HSF2BP: variants seen among roughly 807,000 people sequenced by gnomAD.
HSF2BP encodes the protein heat shock factor 2-binding protein.
Under a neutral mutation model 35.0 loss-of-function variants are expected in HSF2BP, and 35 were observed. The observed-to-expected ratio is 1.00, with a 90% CI of 0.76 to 1.32. The LOEUF is 1.32. HSF2BP is among the 40% of genes most tolerant of loss of function. HSF2BP has a pLI of 0.00. For missense variants in HSF2BP, 326 were observed against 321.7 expected (o/e 1.01, Z -0.10); for synonymous variants, 114 against 117.4 (o/e 0.97, Z 0.18).
intron 6 of HSF2BP, among the ~76,000 whole-genome samples, chr21:43,615,973 A>G (rs2082264513): frequency 6.6e-6 from 1 of 151,762 alleles, no homozygotes; most frequent in Non-Finnish European, 1.5e-5. Flanking sequence ...AAATGTTAAG[A>G]CTTTATATTT....
intron 1 of HSF2BP, 131 bp from the exon 2 acceptor site, chr21:43,658,451 A>C: frequency 7.4e-6 from 2 of 269,030 alleles, no homozygotes; most frequent in Non-Finnish European, 1.4e-5. Context: ...TTTGCTGGAA[A>C]CCTCGCCTCC....
intron 8 of HSF2BP, among the ~76,000 whole-genome samples, chr21:43,587,665 CAAA>C (rs11292342): frequency 5.1e-5 from 4 of 79,060 alleles, no homozygotes; most frequent in Admixed American, 1.4e-4. Context: ...AATTCTGTCT[CAAA>C]AAAAAAAAAA....
intron 4 of HSF2BP, among the ~76,000 whole-genome samples, chr21:43,641,348 T>C (rs1182043234): frequency 6.6e-6 from 1 of 152,102 alleles, no homozygotes; most frequent in Non-Finnish European, 1.5e-5. Context: ...ATCTTTTTCC[T>C]CTAAAGTTCA....
chr21:43,612,687 G>C (rs1010038963), intron 7 of HSF2BP, among the ~76,000 whole-genome samples: 16 of 150,594 alleles, frequency 1.1e-4, no homozygotes, highest in African/African-American at 3.7e-4. Flanking sequence ...TCCACAGCAG[G>C]GGATGGTGGC....
At chr21:43,596,910 A>AT (rs1045659964) in intron 7 of HSF2BP, among the ~76,000 whole-genome samples, 4 of 119,592 alleles carry the variant, frequency 3.3e-5, no homozygotes, top group South Asian at 2.7e-4. Context: ...AAAAAAGAGA[A>AT]TTTTTTTTTA....
At chr21:43,587,200 C>T (rs1247511690) in intron 8 of HSF2BP, among the ~76,000 whole-genome samples, 2 of 152,046 alleles carry the variant, frequency 1.3e-5, no homozygotes, top group African/African-American at 4.8e-5. Context: ...TAAAGTAATC[C>T]CATACATAAC....
chr21:43,642,898 C>T (rs2082658537), intron 4 of HSF2BP, among the ~76,000 whole-genome samples: 1 of 149,658 alleles, frequency 6.7e-6, no homozygotes, highest in South Asian at 2.1e-4. Context: ...CTCCCAGGTT[C>T]AAGCAATTCT....
intron 3 of HSF2BP, among the ~76,000 whole-genome samples, chr21:43,655,498 G>A (rs545218836): frequency 6.6e-6 from 1 of 152,298 alleles, no homozygotes; most frequent in East Asian, 1.9e-4. Flanking sequence ...CAGGAGCAGG[G>A]GCAGTCCAGC....
At chr21:43,647,061 G>C (rs557561631) in intron 3 of HSF2BP, among the ~76,000 whole-genome samples, 1 of 152,174 alleles carries the variant, frequency 6.6e-6, no homozygotes, top group East Asian at 1.9e-4. Context: ...CATTCCTTCT[G>C]CTAATCTTTG....
At chr21:43,620,971 T>G (rs1361582525) in intron 6 of HSF2BP, among the ~76,000 whole-genome samples, 1 of 152,138 alleles carries the variant, frequency 6.6e-6, no homozygotes, top group Non-Finnish European at 1.5e-5. Context: ...ATTATGGTGT[T>G]CAACAAGGTG....
intron 6 of HSF2BP, among the ~76,000 whole-genome samples, chr21:43,622,766 G>A (rs1423853588): frequency 6.6e-6 from 1 of 151,594 alleles, no homozygotes; most frequent in Non-Finnish European, 1.5e-5. Context: ...GGATGGTCCA[G>A]ACCAAAAAAA....
intron 3 of HSF2BP, among the ~76,000 whole-genome samples, chr21:43,647,532 A>G (rs1011946891): frequency 6.6e-6 from 1 of 152,220 alleles, no homozygotes; most frequent in African/African-American, 2.4e-5. Flanking sequence ...CACGCAGTCC[A>G]TAATCCTTTC....
At chr21:43,621,407 G>A (rs1425758219) in intron 6 of HSF2BP, among the ~76,000 whole-genome samples, 1 of 151,942 alleles carries the variant, frequency 6.6e-6, no homozygotes, top group East Asian at 1.9e-4. Context: ...CATGCCTGTG[G>A]TCTCAGCTAC....
chr21:43,654,804 C>T (rs1468460455), intron 3 of HSF2BP, among the ~76,000 whole-genome samples: 1 of 152,220 alleles, frequency 6.6e-6, no homozygotes, highest in Non-Finnish European at 1.5e-5. Context: ...TGTGAGTGTG[C>T]ATGAGACTGC....
At chr21:43,609,239 C>G (rs747553976) in intron 7 of HSF2BP, among the ~76,000 whole-genome samples, 1 of 152,000 alleles carries the variant, frequency 6.6e-6, no homozygotes, top group Admixed American at 6.6e-5. Flanking sequence ...TTGGTATACG[C>G]GGACATAAAG....
intron 1 of HSF2BP, among the ~76,000 whole-genome samples, chr21:43,658,780 C>T (rs2082918777): frequency 6.6e-6 from 1 of 152,238 alleles, no homozygotes; most frequent in Non-Finnish European, 1.5e-5. Context: ...GGCGCCCTTG[C>T]ACTGGCACCA....
intron 3 of HSF2BP, among the ~76,000 whole-genome samples, chr21:43,647,707 G>A (rs1348348468): frequency 6.6e-6 from 1 of 151,786 alleles, no homozygotes; most frequent in Non-Finnish European, 1.5e-5. Flanking sequence ...TTATCACCTG[G>A]TATGTGAGGT....
chr21:43,608,321 T>C (rs559203201), intron 7 of HSF2BP, among the ~76,000 whole-genome samples: 12 of 152,006 alleles, frequency 7.9e-5, no homozygotes, highest in Non-Finnish European at 1.3e-4. Context: ...AAAGAAAACA[T>C]ATAAGCAGCC....
chr21:43,578,511 A>G (rs2081675232), intron 8 of HSF2BP, among the ~76,000 whole-genome samples: 1 of 152,202 alleles, frequency 6.6e-6, no homozygotes, highest in African/African-American at 2.4e-5. Flanking sequence ...CAAGCCATCC[A>G]TGGTGTCCAT....
Sources: gnomAD v4.1 joint callset for allele counts (sites outside exome capture counted in the v4.1 genomes callset) on GRCh38, gnomAD v4.1.1 for gene constraint, MANE v1.5 for transcripts, NCBI Gene and HGNC (gene_info 2026-07-23, HGNC 2026-07-21) for gene names.